TAFA2: variants seen among roughly 807,000 people sequenced by gnomAD.
TAFA2 encodes chemokine-like protein TAFA-2.
TAFA2 carries 7 observed loss-of-function variants against 18.8 expected under a neutral mutation model. The ratio of observed to expected loss-of-function variants is 0.37; its 90% CI spans 0.21 to 0.70. The LOEUF (loss-of-function observed/expected upper bound fraction) is 0.70. TAFA2 is among the 30% of genes least tolerant of loss of function. The pLI, the probability that TAFA2 is intolerant of heterozygous loss-of-function variation, is 0.53. For missense variants in TAFA2, 122 were observed against 158.1 expected (o/e 0.77, Z 1.23); for synonymous variants, 60 against 54.2 (o/e 1.11, Z -0.47).
chr12:62,123,751 C>G (rs946108971), intron 1 of TAFA2, among the ~76,000 whole-genome samples: 1 of 147,380 alleles, frequency 6.8e-6, no homozygotes, highest in African/African-American at 2.5e-5. Flanking sequence ...ACCTACCCCA[C>G]ATATTCTCAA....
At chr12:61,883,193 G>T (rs1875225832) in intron 1 of TAFA2, among the ~76,000 whole-genome samples, 1 of 152,066 alleles carries the variant, frequency 6.6e-6, no homozygotes, top group African/African-American at 2.4e-5. Context: ...TCATCTTTCA[G>T]CTAGTAAGTA....
At chr12:61,986,852 T>C (rs1309236601) in intron 1 of TAFA2, among the ~76,000 whole-genome samples, 2 of 152,158 alleles carry the variant, frequency 1.3e-5, no homozygotes, top group Non-Finnish European at 2.9e-5. Flanking sequence ...TAACATTATA[T>C]AAATAGGACT....
chr12:61,735,299 G>T (rs1868285422), intron 4 of TAFA2, among the ~76,000 whole-genome samples: 1 of 151,792 alleles, frequency 6.6e-6, no homozygotes, highest in South Asian at 2.1e-4. Context: ...CTTATAGTTT[G>T]GATGTATTTC....
At chr12:62,175,570 A>G (rs905639487) in intron 1 of TAFA2, among the ~76,000 whole-genome samples, 2 of 152,012 alleles carry the variant, frequency 1.3e-5, no homozygotes, top group South Asian at 2.1e-4. Context: ...TTTATACCAT[A>G]TTTTCACTTT....
At chr12:62,067,323 A>G (rs1219269574) in intron 1 of TAFA2, among the ~76,000 whole-genome samples, 1 of 151,624 alleles carries the variant, frequency 6.6e-6, no homozygotes, top group Middle Eastern at 3.4e-3. Flanking sequence ...ACTTGATGTG[A>G]TCCCATTTGT....
At chr12:61,878,326 A>G (rs1488405388) in intron 1 of TAFA2, among the ~76,000 whole-genome samples, 1 of 152,198 alleles carries the variant, frequency 6.6e-6, no homozygotes, top group East Asian at 1.9e-4. Context: ...TTTTACAACA[A>G]TAAAAATGAA....
At chr12:61,781,912 T>G (rs1870520486) in intron 2 of TAFA2, among the ~76,000 whole-genome samples, 1 of 151,660 alleles carries the variant, frequency 6.6e-6, no homozygotes, top group African/African-American at 2.4e-5. Context: ...AAAATTGAAA[T>G]GTATGAGATT....
intron 1 of TAFA2, among the ~76,000 whole-genome samples, chr12:61,948,674 A>T (rs1349531234): frequency 6.6e-6 from 1 of 152,330 alleles, no homozygotes; most frequent in Middle Eastern, 3.4e-3. Flanking sequence ...AGAAAAGAGA[A>T]TGTATTGTAG....
rs1869313369 is a variant in TAFA2 at position 61,709,867 on chromosome 12, A to T, written c.*539T>A. 1 of 152,414 alleles carries T rather than the reference A, an allele frequency of 6.6e-6. No individual in the cohort carries two copies. Among genetic ancestry groups the T allele is most frequent in the South Asian group, 2.1e-4 (1 of 4,836 alleles). 9.4% of individuals were successfully genotyped at this position (152,414 alleles called of 1,614,324 possible). On this transcript the variant is annotated 3_prime_UTR_variant, in exon 5 of 5. Coordinates refer to ENST00000416284, the MANE Select transcript of TAFA2 (RefSeq NM_178539.5). ...AAAAGCAACTTTAAGATGTTAAAAC[A>T]TGTAGGCTTTCTGAGCTCCAAGATT...
chr12:61,875,729 C>T (rs1250677144), intron 1 of TAFA2, among the ~76,000 whole-genome samples: 1 of 152,110 alleles, frequency 6.6e-6, no homozygotes, highest in Non-Finnish European at 1.5e-5. Flanking sequence ...CCTACAAAAA[C>T]TTCAGACAAA....
At chr12:62,087,956 T>C (rs1203507568) in intron 1 of TAFA2, among the ~76,000 whole-genome samples, 3 of 152,208 alleles carry the variant, frequency 2.0e-5, no homozygotes, top group East Asian at 3.9e-4. Context: ...TAATCATACA[T>C]TCCCTGTTTC....
intron 2 of TAFA2, among the ~76,000 whole-genome samples, chr12:61,764,392 C>G (rs919616688): frequency 6.6e-6 from 1 of 151,954 alleles, no homozygotes; most frequent in African/African-American, 2.4e-5. Context: ...TAAGATTATT[C>G]CTATAAGCAT....
At chr12:61,807,507 C>T (rs528134989) in intron 2 of TAFA2, among the ~76,000 whole-genome samples, 1 of 151,414 alleles carries the variant, frequency 6.6e-6, no homozygotes, top group Admixed American at 6.5e-5. Flanking sequence ...ACACAGAGTC[C>T]CTACTGGGGC....
chr12:61,741,601 A>G (rs892310893), intron 4 of TAFA2, among the ~76,000 whole-genome samples: 5 of 151,874 alleles, frequency 3.3e-5, no homozygotes, highest in Admixed American at 1.3e-4. Flanking sequence ...GTGTTAGAAG[A>G]GTTATGGGCC....
chr12:61,878,387 G>T (rs1592455007), intron 1 of TAFA2, among the ~76,000 whole-genome samples: 1 of 152,208 alleles, frequency 6.6e-6, no homozygotes, highest in East Asian at 1.9e-4. Flanking sequence ...TCTGCTCATT[G>T]GCTCTACCAT....
At chr12:61,775,244 C>T (rs564279953) in intron 2 of TAFA2, among the ~76,000 whole-genome samples, 6 of 151,840 alleles carry the variant, frequency 4.0e-5, no homozygotes, top group Admixed American at 2.6e-4. Context: ...TAAGACAATA[C>T]GGTAGTTTCA....
At chr12:61,879,859 C>T in intron 1 of TAFA2, 3 of 997,906 alleles carry the variant, frequency 3.0e-6, no homozygotes, top group African/African-American at 3.2e-5. Flanking sequence ...AGAAGAAGTA[C>T]CATGATGAGA....
intron 2 of TAFA2, among the ~76,000 whole-genome samples, chr12:61,765,283 A>G (rs1361333880): frequency 1.3e-5 from 2 of 152,106 alleles, no homozygotes; most frequent in Non-Finnish European, 2.9e-5. Flanking sequence ...CAGAGCTACC[A>G]TAAACCTGAG....
chr12:62,028,866 C>T (rs1433211332), intron 1 of TAFA2, among the ~76,000 whole-genome samples: 3 of 152,114 alleles, frequency 2.0e-5, no homozygotes, highest in African/African-American at 7.2e-5. Flanking sequence ...AAACTACTTC[C>T]CAGTTCCTGT....
Sources: allele counts gnomAD v4.1 joint callset (sites outside exome capture counted in the v4.1 genomes callset), GRCh38; gene constraint gnomAD v4.1.1; transcripts MANE v1.5; gene names NCBI Gene and HGNC (gene_info 2026-07-23, HGNC 2026-07-21).